EXOC4: variants seen among roughly 807,000 people sequenced by gnomAD.
EXOC4 encodes the protein SEC8-like 1.
A neutral mutation model predicts 107.2 loss-of-function variants in EXOC4; 71 were observed. The observed-to-expected ratio is 0.66, with a 90% confidence interval of 0.55 to 0.81. The LOEUF is 0.81. Among genes scored for constraint, EXOC4 ranks in the 30% least tolerant of loss-of-function variants. EXOC4 has a pLI of 0.00. For synonymous variants in EXOC4, 456 were observed against 441.2 expected, an observed-to-expected ratio of 1.03 and a Z score of -0.42; for missense variants, 1,108 against 1,189.6, an observed-to-expected ratio of 0.93 and a Z score of 1.01.
intron 7 of EXOC4, among the ~76,000 whole-genome samples, chr7:133,432,670 A>G (rs1397386655): frequency 2.6e-5 from 4 of 152,186 alleles, no homozygotes; most frequent in Non-Finnish European, 5.9e-5. Flanking sequence ...AGCTTCGTTA[A>G]TAGCTGCTGT....
chr7:134,016,030 G>A (rs1794900928), intron 17 of EXOC4, among the ~76,000 whole-genome samples: 1 of 152,038 alleles, frequency 6.6e-6, no homozygotes, highest in Non-Finnish European at 1.5e-5. Context: ...TAAAGTGAAG[G>A]AGTCAAGGAT....
intron 11 of EXOC4, among the ~76,000 whole-genome samples, chr7:133,872,653 G>A (rs1440261531): frequency 2.6e-5 from 4 of 152,168 alleles, no homozygotes; most frequent in Non-Finnish European, 5.9e-5. Context: ...TGATTTGAAT[G>A]CTCTGTCTAT....
intron 9 of EXOC4, among the ~76,000 whole-genome samples, chr7:133,609,978 C>A (rs1462023323): frequency 2.0e-5 from 3 of 152,180 alleles, no homozygotes; most frequent in South Asian, 2.1e-4. Context: ...GGCTCAAATG[C>A]TGCTTTATTG....
At chr7:133,363,246 C>G (rs1303360122) in intron 6 of EXOC4, among the ~76,000 whole-genome samples, 1 of 152,084 alleles carries the variant, frequency 6.6e-6, no homozygotes, top group East Asian at 1.9e-4. Context: ...TAGGATATGT[C>G]CCCTGCAGCT....
intron 10 of EXOC4, among the ~76,000 whole-genome samples, chr7:133,690,730 G>A (rs918532471): frequency 1.2e-4 from 18 of 152,188 alleles, no homozygotes; most frequent in African/African-American, 4.1e-4. Flanking sequence ...TTACATACAT[G>A]GGAGTTCACA....
chr7:133,855,033 C>A (rs143263761), intron 11 of EXOC4, among the ~76,000 whole-genome samples: 1,845 of 124,558 alleles, frequency 0.015, 33 homozygotes, highest in African/African-American at 0.059. Context: ...ATATATATAT[C>A]TAAATATATA....
At chr7:133,622,614 T>TTA (rs902862902) in intron 9 of EXOC4, among the ~76,000 whole-genome samples, 7 of 152,096 alleles carry the variant, frequency 4.6e-5, no homozygotes, top group African/African-American at 9.7e-5. Context: ...ATCATTATAT[T>TTA]TATATATATA....
chr7:133,554,505 T>C (rs929089680), intron 9 of EXOC4, among the ~76,000 whole-genome samples: 1 of 152,172 alleles, frequency 6.6e-6, no homozygotes, highest in African/African-American at 2.4e-5. Flanking sequence ...GATCTGTGTT[T>C]CAAAATGCTA....
At chr7:134,040,689 G>A (rs927782058) in intron 17 of EXOC4, among the ~76,000 whole-genome samples, 2 of 152,186 alleles carry the variant, frequency 1.3e-5, no homozygotes, top group African/African-American at 4.8e-5. Flanking sequence ...AGTAATCAGT[G>A]CACAAATTTT....
At chr7:133,256,711 A>AT (rs1562990732) in intron 1 of EXOC4, among the ~76,000 whole-genome samples, 1 of 151,982 alleles carries the variant, frequency 6.6e-6, no homozygotes, top group African/African-American at 2.4e-5. Flanking sequence ...AAAATTTTGT[A>AT]TTTTTTCAAT....
intron 11 of EXOC4, among the ~76,000 whole-genome samples, chr7:133,852,132 G>A (rs1438077158): frequency 1.3e-5 from 2 of 151,720 alleles, no homozygotes; most frequent in Admixed American, 6.6e-5. Context: ...TGACTTTGTC[G>A]TTAGTAATAC....
intron 7 of EXOC4, among the ~76,000 whole-genome samples, chr7:133,393,643 G>C (rs1160391700): frequency 1.3e-5 from 2 of 152,164 alleles, no homozygotes; most frequent in Non-Finnish European, 2.9e-5. Flanking sequence ...AGAGGCCCCA[G>C]AGAGCTCCCT....
chr7:133,257,187 TGCA>T (rs1795037669), intron 1 of EXOC4, among the ~76,000 whole-genome samples: 1 of 151,954 alleles, frequency 6.6e-6, no homozygotes, highest in African/African-American at 2.4e-5. Context: ...TACTGCCAAC[TGCA>T]GCTTTTGGTT....
chr7:133,509,605 G>C (rs969957467), intron 9 of EXOC4, among the ~76,000 whole-genome samples: 4 of 152,138 alleles, frequency 2.6e-5, no homozygotes, highest in African/African-American at 9.7e-5. Context: ...TGGAAGCCAA[G>C]CACTAGTAGA....
chr7:133,833,028 G>A (rs1035026599), intron 11 of EXOC4, among the ~76,000 whole-genome samples: 2 of 146,126 alleles, frequency 1.4e-5, no homozygotes, highest in African/African-American at 4.9e-5. Context: ...TTCTTTCCAG[G>A]AAAAACACTC....
intron 5 of EXOC4, among the ~76,000 whole-genome samples, chr7:133,347,148 T>G (rs1015147258): frequency 3.9e-5 from 6 of 152,292 alleles, no homozygotes; most frequent in Middle Eastern, 3.4e-3. Flanking sequence ...ATTTAGCTTT[T>G]TTATATGTTA....
chr7:134,047,413 A>C (rs1450636000), intron 17 of EXOC4, among the ~76,000 whole-genome samples: 1 of 152,124 alleles, frequency 6.6e-6, no homozygotes, highest in African/African-American at 2.4e-5. Flanking sequence ...GTAAAAAAAA[A>C]ATTGCTATTC....
intron 17 of EXOC4, among the ~76,000 whole-genome samples, chr7:134,011,187 G>A (rs937576279): frequency 6.6e-6 from 1 of 152,132 alleles, no homozygotes; most frequent in Non-Finnish European, 1.5e-5. Context: ...ATCTTAACTT[G>A]AGCTGTCATG....
chr7:133,626,074 G>A (rs1243757261), intron 9 of EXOC4, among the ~76,000 whole-genome samples: 1 of 152,056 alleles, frequency 6.6e-6, no homozygotes, highest in Non-Finnish European at 1.5e-5. Flanking sequence ...AAGCATGTTG[G>A]TGCGTGCCTG....
Sources: gnomAD v4.1 joint callset for allele counts (sites outside exome capture counted in the v4.1 genomes callset) on GRCh38, gnomAD v4.1.1 for gene constraint, MANE v1.5 for transcripts, NCBI Gene and HGNC (gene_info 2026-07-23, HGNC 2026-07-21) for gene names.